The following ABCA12 variants were observed in gnomAD, a reference collection of about 807,000 sequenced individuals.
ABCA12 encodes glucosylceramide transporter ABCA12.
ABCA12 carries 156 observed loss-of-function variants against 293.5 expected under a neutral mutation model. The observed-to-expected ratio is 0.53, with a 90% CI of 0.47 to 0.61. ABCA12 has a LOEUF of 0.61. Among genes scored for constraint, ABCA12 ranks in the 20% least tolerant of loss-of-function variants. The pLI is 0.00. For missense variants in ABCA12, 2,797 were observed against 3,090.2 expected (o/e 0.91, Z 2.25); for synonymous variants, 1,063 against 1,108.0 (o/e 0.96, Z 0.81).
At chr2:215,101,927 G>A (rs1702364872) in intron 2 of ABCA12, among the ~76,000 whole-genome samples, 1 of 152,114 alleles carries the variant, frequency 6.6e-6, no homozygotes, top group Non-Finnish European at 1.5e-5. Context: ...TCCCAATCCA[G>A]CCACCAGCTC....
intron 1 of ABCA12, among the ~76,000 whole-genome samples, chr2:215,117,797 T>C (rs1460846434): frequency 6.6e-6 from 1 of 152,238 alleles, no homozygotes; most frequent in Non-Finnish European, 1.5e-5. Context: ...AACTACTGTT[T>C]GGAGACTCTG....
intron 36 of ABCA12, 122 bp from the exon 37 acceptor site, chr2:214,970,522 A>G (rs1438054952): frequency 8.9e-7 from 1 of 1,118,992 alleles, no homozygotes; most frequent in Non-Finnish European, 1.3e-6. Context: ...GTGTGATAAG[A>G]CTGTCCTTTG....
Position 215,036,870 on chromosome 2 carries a change from G to A in ABCA12, c.985+83C>T. The A allele has an allele frequency of 5.0e-6, 6 of 1,193,424 alleles. No individual in the cohort carries two copies. The South Asian group carries it at 6.1e-5, about 12-fold the overall frequency. 73.9% of individuals were successfully genotyped at this position (1,193,424 alleles called of 1,614,324 possible). A position where few individuals can be genotyped will look rare whatever the true frequency, so the allele number is the denominator to read the frequency against. The stretch of plus-strand genomic sequence containing the variant: ...CCTAAGAATAATATCATCTCTACAT[G>A]ATTACTTTCATTGCACTCTGCTTTA... On this transcript the variant is annotated intron_variant, in intron 8 of 52. Transcript: ENST00000272895.
intron 1 of ABCA12, among the ~76,000 whole-genome samples, chr2:215,129,627 T>C (rs1703009566): frequency 6.6e-6 from 1 of 152,216 alleles, no homozygotes; most frequent in African/African-American, 2.4e-5. Flanking sequence ...ATTCTAGATA[T>C]TAATTCATTT....
In ABCA12 at chr2:215,025,729, G is replaced by A. The variant is rs774434795; in HGVS notation, c.1231C>T (p.Arg411Cys). The A allele has an allele frequency of 8.7e-6, 14 of 1,612,430 alleles. No homozygotes were observed. The highest frequency in any genetic ancestry group is 5.4e-5 in the African/African-American group (4 of 74,588). The change falls in exon 11 of 53, where the codon CGC becomes TGC. Residue 411 changes from arginine to cysteine, a missense_variant. Transcript: ENST00000272895. Reference protein sequence around the residue: ...STIRFKKSFLRNGSYEDYFPP... With the variant: ...STIRFKKSFLCNGSYEDYFPP... Reference sequence around the variant, plus strand: ...AAGTAATCTTCATAGGAACCATTGCGAAGAAAAGATTTTTTAAATCGTATT... The same window carrying A: ...AAGTAATCTTCATAGGAACCATTGCAAAGAAAAGATTTTTTAAATCGTATT...
At chr2:215,106,232 G>A (rs963883542) in intron 2 of ABCA12, among the ~76,000 whole-genome samples, 4 of 152,094 alleles carry the variant, frequency 2.6e-5, no homozygotes, top group African/African-American at 7.2e-5. Context: ...TTCGGGCGCT[G>A]GAGTCATAAC....
chr2:215,021,427 C>A (rs1396289031), intron 11 of ABCA12, among the ~76,000 whole-genome samples: 1 of 152,172 alleles, frequency 6.6e-6, no homozygotes, highest in East Asian at 1.9e-4. Context: ...AATTTCCTAT[C>A]CTGTCAATGA....
intron 4 of ABCA12, among the ~76,000 whole-genome samples, chr2:215,054,159 G>A (rs1465948885): frequency 6.6e-6 from 1 of 152,042 alleles, no homozygotes; most frequent in African/African-American, 2.4e-5. Context: ...TGTAGATACA[G>A]CACTTAACTT....
intron 23 of ABCA12, among the ~76,000 whole-genome samples, chr2:214,996,387 G>T (rs1700033413): frequency 6.6e-6 from 1 of 152,004 alleles, no homozygotes; most frequent in African/African-American, 2.4e-5. Flanking sequence ...TTAAAGGTAG[G>T]TATTAATTTT....
chr2:215,074,558 T>C (rs1468942576), intron 2 of ABCA12, among the ~76,000 whole-genome samples: 4 of 152,172 alleles, frequency 2.6e-5, no homozygotes. Flanking sequence ...TGTGTATTGA[T>C]AGAGGTTGGC....
chr2:214,978,106 AC>A (rs1414720690), intron 33 of ABCA12, among the ~76,000 whole-genome samples: 3 of 152,170 alleles, frequency 2.0e-5, no homozygotes, highest in African/African-American at 7.2e-5. Flanking sequence ...GAGTTCTTTC[AC>A]ATTCTTCAAA....
intron 2 of ABCA12, among the ~76,000 whole-genome samples, chr2:215,066,725 G>A (rs917962002): frequency 5.9e-5 from 9 of 152,058 alleles, no homozygotes; most frequent in African/African-American, 9.7e-5. Context: ...ACATGGGATC[G>A]TGCAAATGAG....
intron 47 of ABCA12, chr2:214,947,918 C>T (rs1271972486): frequency 9.9e-6 from 3 of 302,448 alleles, no homozygotes; most frequent in Non-Finnish European, 1.9e-5. Flanking sequence ...CTGACTGTTA[C>T]CCCTGCGTCC....
intron 10 of ABCA12, 89 bp downstream of exon 10, chr2:215,026,731 C>T: frequency 9.1e-7 from 1 of 1,097,450 alleles, no homozygotes; most frequent in South Asian, 1.2e-5. Context: ...AATTTTCTTT[C>T]CTGTGTAAGC....
intron 6 of ABCA12, among the ~76,000 whole-genome samples, chr2:215,047,576 C>T (rs1701228182): frequency 6.6e-6 from 1 of 152,092 alleles, no homozygotes; most frequent in Non-Finnish European, 1.5e-5. Context: ...AACCAGCTAG[C>T]CATATGCAGA....
chr2:214,990,465 C>T (rs190257134), intron 24 of ABCA12, among the ~76,000 whole-genome samples: 1 of 152,262 alleles, frequency 6.6e-6, no homozygotes, highest in Non-Finnish European at 1.5e-5. Flanking sequence ...TTTAACTGTT[C>T]TTTCTTTAGG....
At chr2:214,945,236 C>T (rs1698545665) in intron 48 of ABCA12, 132 bp from the exon 49 acceptor site, 1 of 700,812 alleles carries the variant, frequency 1.4e-6, no homozygotes, top group Non-Finnish European at 2.5e-6. Flanking sequence ...TTGTTTTATA[C>T]TTAATAGACT....
At chr2:215,053,571 A>G (rs1055809990) in intron 4 of ABCA12, among the ~76,000 whole-genome samples, 2 of 152,114 alleles carry the variant, frequency 1.3e-5, no homozygotes, top group Non-Finnish European at 2.9e-5. Flanking sequence ...CAGATCATTC[A>G]TAACAGAACA....
intron 14 of ABCA12, among the ~76,000 whole-genome samples, chr2:215,016,595 A>AAAAAAAAAAAAAAC: frequency 7.1e-6 from 1 of 139,992 alleles, no homozygotes; most frequent in Non-Finnish European, 1.5e-5. Context: ...AAAAAAAAAA[A>AAAAAAAAAAAAAAC]AAAAAAAAAA....
Sources: allele counts gnomAD v4.1 joint callset (sites outside exome capture counted in the v4.1 genomes callset), GRCh38; gene constraint gnomAD v4.1.1; transcripts MANE v1.5; gene names NCBI Gene and HGNC (gene_info 2026-07-23, HGNC 2026-07-21).